The following GPC3 variants were observed in gnomAD, a reference collection of about 807,000 sequenced individuals.
GPC3 encodes glypican-3.
Under a neutral mutation model 34.4 loss-of-function variants are expected in GPC3, and 3 were observed. The ratio of observed to expected loss-of-function variants is 0.09; its 90% CI spans 0.04 to 0.23. The LOEUF is 0.23. Among genes scored for constraint, GPC3 ranks in the 10% least tolerant of loss-of-function variants. The probability of loss-of-function intolerance (pLI) is 1.00; values close to 1 mark genes in which losing one functional copy is unlikely to be tolerated. For missense variants in GPC3, 351 were observed against 445.6 expected (o/e 0.79, Z 1.91); for synonymous variants, 177 against 174.0 (o/e 1.02, Z -0.13).
At chrX:133,925,130 T>C (rs151239422) in intron 2 of GPC3, among the ~76,000 whole-genome samples, 4,793 of 107,563 alleles carry the variant, frequency 0.045, 120 homozygotes, top group East Asian at 0.096. Context: ...AACAGGATTT[T>C]AGAACATGTC....
intron 2 of GPC3, among the ~76,000 whole-genome samples, chrX:133,944,543 C>T (rs1308150019): frequency 9.0e-6 from 1 of 111,129 alleles, no homozygotes; most frequent in Admixed American, 9.6e-5. Context: ...GTATATTGTA[C>T]GGTTTTAAAT....
At chrX:133,638,322 G>A (rs1353286607) in intron 6 of GPC3, among the ~76,000 whole-genome samples, 1 of 111,717 alleles carries the variant, frequency 9.0e-6, no homozygotes, top group African/African-American at 3.3e-5. Context: ...AAAATGAATT[G>A]CTTGTTCCCT....
chrX:133,901,677 G>C (rs374110560), intron 2 of GPC3, among the ~76,000 whole-genome samples: 1 of 111,290 alleles, frequency 9.0e-6, no homozygotes, highest in African/African-American at 3.3e-5. Context: ...TTGACCTCGC[G>C]ATCTGCCCGC....
chrX:133,625,613 T>C (rs1040891638), intron 6 of GPC3, among the ~76,000 whole-genome samples: 3 of 111,750 alleles, frequency 2.7e-5, no homozygotes, highest in African/African-American at 9.8e-5. Flanking sequence ...TTCCAAGGGA[T>C]GTGAAGGACC....
chrX:133,706,269 T>C (rs1387009439), intron 3 of GPC3, among the ~76,000 whole-genome samples: 1 of 112,042 alleles, frequency 8.9e-6, no homozygotes, highest in East Asian at 2.8e-4. Context: ...ACTAAGGAAA[T>C]ACACTTCTTG....
chrX:133,618,383 G>C (rs369750332), intron 6 of GPC3, among the ~76,000 whole-genome samples: 1 of 110,611 alleles, frequency 9.0e-6, no homozygotes, highest in South Asian at 3.7e-4. Flanking sequence ...CATAATGAAA[G>C]AAATTCAAAA....
In GPC3 at chrX:133,868,453, G is replaced by C. The variant is rs1362749627; in HGVS notation, c.337+84597C>G. Among the ~76,000 whole-genome samples the C allele has an allele frequency of 3.6e-5, 4 of 112,359 alleles. 1 individual carries two copies. The Admixed American group carries it at 3.8e-4, about 11-fold the overall frequency. On this transcript the variant is annotated intron_variant, in intron 2 of 7. Transcript: ENST00000370818. ...TCACTTGTTCATTCAGTTAAAATAA[G>C]TTGTTACTATGGGCAAGGCACTGGA...
At chrX:133,623,946 T>G (rs767682853) in intron 6 of GPC3, among the ~76,000 whole-genome samples, 21 of 111,530 alleles carry the variant, frequency 1.9e-4, no homozygotes, top group African/African-American at 6.5e-4. Flanking sequence ...GAACAGAAAT[T>G]TTAACAAACT....
chrX:133,923,143 C>G (rs756172240), intron 2 of GPC3, among the ~76,000 whole-genome samples: 157 of 111,887 alleles, frequency 1.4e-3, no homozygotes, highest in African/African-American at 4.8e-3. Context: ...CACACACACA[C>G]ACACACACAG....
chrX:133,869,200 T>C (rs2075982710), intron 2 of GPC3, among the ~76,000 whole-genome samples: 1 of 111,792 alleles, frequency 8.9e-6, no homozygotes, highest in African/African-American at 3.3e-5. Flanking sequence ...ACTGGGTGTC[T>C]CTAGAGGTAA....
chrX:133,910,525 T>G (rs902254461), intron 2 of GPC3, among the ~76,000 whole-genome samples: 1 of 112,231 alleles, frequency 8.9e-6, no homozygotes, highest in African/African-American at 3.2e-5. Context: ...ATGGAAATTT[T>G]GGACTAAATG....
chrX:133,789,723 T>C (rs2072141190), intron 2 of GPC3, among the ~76,000 whole-genome samples: 1 of 112,516 alleles, frequency 8.9e-6, no homozygotes. Flanking sequence ...CATACAAAAA[T>C]GCTTTTAAAG....
intron 2 of GPC3, among the ~76,000 whole-genome samples, chrX:133,893,847 T>C (rs1193158402): frequency 9.0e-6 from 1 of 111,528 alleles, no homozygotes; most frequent in East Asian, 2.8e-4. Flanking sequence ...TTTTTTGTTT[T>C]GTTTTGCTTT....
intron 2 of GPC3, among the ~76,000 whole-genome samples, chrX:133,853,058 G>T (rs1219627019): frequency 9.4e-6 from 1 of 106,647 alleles, no homozygotes; most frequent in East Asian, 2.9e-4. Flanking sequence ...GCAGCATGGA[G>T]TATTAGAAAG....
At chrX:133,969,278 A>G (rs1179932831) in intron 1 of GPC3, among the ~76,000 whole-genome samples, 1 of 111,588 alleles carries the variant, frequency 9.0e-6, no homozygotes, top group Non-Finnish European at 1.9e-5. Context: ...TATCCAGTAA[A>G]CTGAAATTTC....
rs1008333533 is a variant in GPC3 at position 133,810,239 on chromosome X, GC to G, written c.338-56064del. Among the ~76,000 whole-genome samples, 4 of 112,221 alleles carry G rather than the reference GC, an allele frequency of 3.6e-5. No individual in the cohort carries two copies. The Admixed American group carries it at 3.8e-4, about 11-fold the overall frequency. On this transcript the variant is annotated intron_variant, in intron 2 of 7. Coordinates refer to ENST00000370818, the MANE Select transcript of GPC3 (RefSeq NM_004484.4). ...TAAGTATGGCTAGTCTGAAAAGTCTGCCTTGAAATCAATTAAGGATTCACTG... is the reference window on the plus strand; with the variant it reads ...TAAGTATGGCTAGTCTGAAAAGTCTGCTTGAAATCAATTAAGGATTCACTG...
chrX:133,686,729 T>C (rs1231754506), intron 5 of GPC3, among the ~76,000 whole-genome samples: 6 of 108,621 alleles, frequency 5.5e-5, no homozygotes, highest in African/African-American at 1.7e-4. Context: ...CTGAATCGTA[T>C]ACCCTAAAAT....
At chrX:133,633,429 C>T (rs1303159272) in intron 6 of GPC3, among the ~76,000 whole-genome samples, 1 of 112,126 alleles carries the variant, frequency 8.9e-6, no homozygotes, top group African/African-American at 3.2e-5. Context: ...GGAAACACTT[C>T]CTCAAAGTTT....
intron 2 of GPC3, among the ~76,000 whole-genome samples, chrX:133,777,046 A>AT (rs1348750560): frequency 1.9e-5 from 2 of 107,597 alleles, no homozygotes; most frequent in African/African-American, 6.8e-5. Context: ...CGCCCAGCTA[A>AT]TTTTTTGTAT....
Sources: gnomAD v4.1 joint callset for allele counts (sites outside exome capture counted in the v4.1 genomes callset) on GRCh38, gnomAD v4.1.1 for gene constraint, MANE v1.5 for transcripts, NCBI Gene and HGNC (gene_info 2026-07-23, HGNC 2026-07-21) for gene names.